The following GNPTG variants were observed in gnomAD, a reference collection of about 807,000 sequenced individuals.
GNPTG encodes N-acetylglucosamine-1-phosphate transferase subunit gamma.
A neutral mutation model predicts 43.8 loss-of-function variants in GNPTG; 46 were observed. The observed-to-expected ratio is 1.05, with a 90% CI of 0.83 to 1.34. The LOEUF (loss-of-function observed/expected upper bound fraction) is 1.34, where lower values mean the gene tolerates loss of function less well. Ranked by LOEUF, GNPTG falls within the 40% of genes most tolerant of loss-of-function variation. GNPTG has a pLI of 0.00. For synonymous variants in GNPTG, 250 were observed against 172.8 expected (o/e 1.45, Z -3.50); for missense variants, 549 against 411.3 (o/e 1.33, Z -2.90).
Position 1,362,510 on chromosome 16 carries a change from G to A in GNPTG, c.585G>A (p.Leu195=). 3 of 1,614,168 alleles carry A rather than the reference G, an allele frequency of 1.9e-6. No individual in the cohort carries two copies. The highest frequency in any genetic ancestry group is 2.5e-6 in the Non-Finnish European group (3 of 1,180,030). Residue 195 remains leucine (L), a synonymous_variant, in exon 8 of 11, where the codon CTG becomes CTA. Transcript: ENST00000204679. ...AGTGGGACCAGGTAGAGCAGGACCT[G>A]GCCGATGAGCTGATCACCCCCCAGG... ...QRQWDQVEQD[L]ADELITPQGH...
intron 3 of GNPTG, among the ~76,000 whole-genome samples, chr16:1,359,322 A>G (rs1596609900): frequency 6.6e-6 from 1 of 151,748 alleles, no homozygotes; most frequent in Admixed American, 6.6e-5. Flanking sequence ...GCTGGAGTGC[A>G]GTAGCACGAT....
In GNPTG at chr16:1,362,674, A is replaced by G; in HGVS notation, c.673A>G (p.Asn225Asp). The part of the protein sequence containing the change: ...DAGYLKTPEE[N>D]EPTQLEGGPD... The stretch of plus-strand genomic sequence containing the variant: ...TGGCTACTTAAAGACCCCAGAAGAA[A>G]ATGAACCCACCCAGCTGGAGGGAGG... The change falls in exon 9 of 11, where the codon AAT becomes GAT. Residue 225 changes from asparagine to aspartate, a missense_variant. Asn to Asp is a conservative substitution (Grantham distance 23). Coordinates refer to ENST00000204679, the MANE Select transcript of GNPTG (RefSeq NM_032520.5). 1 of 1,614,026 alleles carries G rather than the reference A, an allele frequency of 6.2e-7. No homozygotes were observed. Among genetic ancestry groups the G allele is most frequent in the Non-Finnish European group, 8.5e-7 (1 of 1,180,002 alleles).
At chr16:1,353,007 T>TCGCCCAGGCTGGAGTGCAGTGGCA (rs1305156810) in intron 3 of GNPTG, among the ~76,000 whole-genome samples, 3 of 149,514 alleles carry the variant, frequency 2.0e-5, no homozygotes, top group Non-Finnish European at 4.4e-5. Context: ...TCTCGCTCTG[T>TCGCCCAGGCTGGAGTGCAGTGGCA]CGCCCAGGCT....
In GNPTG at chr16:1,363,283, T is replaced by C. The variant is rs1288307804; in HGVS notation, c.*192T>C. The C allele has an allele frequency of 1.8e-5, 11 of 615,672 alleles. No homozygotes were observed. The highest frequency in any genetic ancestry group is 4.3e-4 in the Middle Eastern group (1 of 2,328). The allele number at this position is 615,672 out of a possible 1,614,324, so 38.1% of individuals were successfully genotyped here. On this transcript the variant is annotated 3_prime_UTR_variant, in exon 11 of 11. Coordinates refer to ENST00000204679, the MANE Select transcript of GNPTG (RefSeq NM_032520.5). ...TCTGTAAACCATTGCATAAATGCTA[T>C]AGTGTAAAAAAATTTAAACAAGTGT...
rs541942383 is a variant in GNPTG at position 1,362,513 on chromosome 16, C to T, written c.588C>T (p.Ala196=). 3.0e-5 allele frequency: 49 copies of T among 1,614,120 alleles called. No individual in the cohort carries two copies. The highest frequency in any genetic ancestry group is 1.2e-4 in the African/African-American group (9 of 75,044). Residue 196 remains alanine, a synonymous_variant, in exon 8 of 11, where the codon GCC becomes GCT. Transcript: ENST00000204679. Reference sequence around the variant, plus strand: ...GGGACCAGGTAGAGCAGGACCTGGCCGATGAGCTGATCACCCCCCAGGTAA... The same window carrying T: ...GGGACCAGGTAGAGCAGGACCTGGCTGATGAGCTGATCACCCCCCAGGTAA... ...RQWDQVEQDL[A]DELITPQGHE...
rs2035038117 is a variant in GNPTG, at chr16:1,363,998, T to G, written c.*907T>G. The G allele has an allele frequency of 6.6e-6, 1 of 152,192 alleles. No homozygotes were observed. The highest frequency in any genetic ancestry group is 1.5e-5 in the Non-Finnish European group (1 of 68,032). The allele number at this position is 152,192 out of a possible 1,614,324, so 9.4% of individuals were successfully genotyped here. A position where few individuals can be genotyped will look rare whatever the true frequency, so the allele number is the denominator to read the frequency against. On this transcript the variant is annotated 3_prime_UTR_variant, in exon 11 of 11. Coordinates refer to ENST00000204679, the MANE Select transcript of GNPTG (RefSeq NM_032520.5). Reference sequence around the variant, plus strand: ...TGGCAGACTAGAGCTCAGCTGCTCCTGACCACTGACAACCGGGAGATGTCT... The same window carrying G: ...TGGCAGACTAGAGCTCAGCTGCTCCGGACCACTGACAACCGGGAGATGTCT...
chr16:1,360,139 G>A (rs1327196860), intron 3 of GNPTG, among the ~76,000 whole-genome samples: 1 of 151,812 alleles, frequency 6.6e-6, no homozygotes, highest in Non-Finnish European at 1.5e-5. Context: ...GATGTCTCAT[G>A]TCAGCTTTAT....
intron 3 of GNPTG, among the ~76,000 whole-genome samples, chr16:1,356,380 T>TGGTATTTGGGGGTAGA: frequency 6.6e-6 from 1 of 150,892 alleles, no homozygotes; most frequent in Middle Eastern, 3.4e-3. Flanking sequence ...TTGGGGGTGG[T>TGGTATTTGGGGGTAGA]GGTATTTGGG....
intron 3 of GNPTG, among the ~76,000 whole-genome samples, chr16:1,359,954 C>G (rs1366768854): frequency 6.6e-6 from 1 of 151,962 alleles, no homozygotes; most frequent in South Asian, 2.1e-4. Flanking sequence ...TACAAAAATA[C>G]AAAAATTAGC....
intron 3 of GNPTG, among the ~76,000 whole-genome samples, chr16:1,359,868 A>G (rs1277074446): frequency 1.3e-5 from 2 of 151,684 alleles, no homozygotes; most frequent in African/African-American, 4.8e-5. Context: ...CCAGTACTTT[A>G]GGAGGCTGAG....
chr16:1,357,523 G>A lies in GNPTG; in HGVS notation c.179-4220G>A, dbSNP rs192368474. Among the ~76,000 whole-genome samples, 308 of 149,306 alleles carry A rather than the reference G, an allele frequency of 2.1e-3. 1 individual carries two copies. Among genetic ancestry groups the A allele is most frequent in the African/African-American group, 7.2e-3 (294 of 40,670 alleles). On this transcript the variant is annotated intron_variant, in intron 3 of 10. Transcript: ENST00000204679. ...ATTATTATTATTAGAGCCGAGTGTCGCTGTGTCGCCCAGGCTGGAGTGCTG... is the reference window on the plus strand; with the variant it reads ...ATTATTATTATTAGAGCCGAGTGTCACTGTGTCGCCCAGGCTGGAGTGCTG...
intron 5 of GNPTG, 30 bp downstream of exon 5, chr16:1,361,985 G>GC: frequency 1.2e-6 from 2 of 1,613,224 alleles, no homozygotes; most frequent in South Asian, 2.2e-5. Context: ...GGATCCCAAA[G>GC]CAGCAGCGCA....
chr16:1,355,819 G>A (rs933668875), intron 3 of GNPTG, among the ~76,000 whole-genome samples: 1 of 152,208 alleles, frequency 6.6e-6, no homozygotes, highest in Admixed American at 6.5e-5. Context: ...GAGAAGCCAT[G>A]GCAAGTGCGG....
Position 1,362,531 on chromosome 16 carries a change from C to T in GNPTG, c.606C>T (p.Pro202=). ...ACCTGGCCGATGAGCTGATCACCCCCCAGGTAAGCGTGCGCTCGGGGTGGC... is the reference window on the plus strand; with the variant it reads ...ACCTGGCCGATGAGCTGATCACCCCTCAGGTAAGCGTGCGCTCGGGGTGGC... ...EQDLADELIT[P]QGHEKLLRTL... is the part of the protein sequence containing the mutation. Residue 202 remains proline, a synonymous_variant, in exon 8 of 11, where the codon CCC becomes CCT. Transcript: ENST00000204679. 6.2e-7 allele frequency: 1 copy of T among 1,614,162 alleles called. No individual in the cohort carries two copies. The highest frequency in any genetic ancestry group is 8.5e-7 in the Non-Finnish European group (1 of 1,180,022).
In GNPTG at chr16:1,352,151, C is replaced by T. The variant is rs749262844; in HGVS notation, c.102C>T (p.Asn34=). 2 of 1,579,758 alleles carry T rather than the reference C, an allele frequency of 1.3e-6. No homozygotes were observed. The highest frequency in any genetic ancestry group is 1.8e-5 in the Admixed American group (1 of 54,688). Residue 34 remains asparagine (N), a synonymous_variant, in exon 2 of 11, where the codon AAC becomes AAT. Coordinates refer to ENST00000204679, the MANE Select transcript of GNPTG (RefSeq NM_032520.5). ...AGATGAAGGTGGTGGAGGAGCCCAA[C>T]GCGTTTGGGTGAGCAGCCTCGCGGG... is the stretch of plus-strand genomic sequence containing the variant. ...AAKMKVVEEP[N]AFGVNNPFLP... is the part of the protein sequence containing the mutation.
At chr16:1,359,500 C>G (rs1003023627) in intron 3 of GNPTG, among the ~76,000 whole-genome samples, 1 of 152,058 alleles carries the variant, frequency 6.6e-6, no homozygotes, top group African/African-American at 2.4e-5. Context: ...GATCTCCTGA[C>G]TTCGTGATCC....
chr16:1,356,441 G>A (rs556358483), intron 3 of GNPTG, among the ~76,000 whole-genome samples: 2 of 152,312 alleles, frequency 1.3e-5, no homozygotes, highest in South Asian at 2.1e-4. Context: ...GAGGCGTGGA[G>A]GGGCCAGCCC....
intron 3 of GNPTG, among the ~76,000 whole-genome samples, chr16:1,355,999 G>T (rs943812600): frequency 1.3e-5 from 2 of 152,040 alleles, no homozygotes; most frequent in Non-Finnish European, 2.9e-5. Flanking sequence ...TGAAGTTCTT[G>T]GTGGCGTGTG....
In GNPTG at chr16:1,355,644, C is replaced by T. The variant is rs562893049; in HGVS notation, c.178+3338C>T. On this transcript the variant is annotated intron_variant, in intron 3 of 10. Transcript: ENST00000204679. ...ACGGTCAGTGTGGTGGTCCTGCCAGCGCCCAGCAGAGTCCAGCATAGCCCA... is the reference window on the plus strand; with the variant it reads ...ACGGTCAGTGTGGTGGTCCTGCCAGTGCCCAGCAGAGTCCAGCATAGCCCA... 2.6e-5 allele frequency among the ~76,000 whole-genome samples: 4 copies of T among 152,120 alleles called. No individual in the cohort carries two copies. In the South Asian group the frequency reaches 6.2e-4, roughly 24 times the overall value.
Sources: gnomAD v4.1 joint callset for allele counts (sites outside exome capture counted in the v4.1 genomes callset) on GRCh38, gnomAD v4.1.1 for gene constraint, MANE v1.5 for transcripts, NCBI Gene and HGNC (gene_info 2026-07-23, HGNC 2026-07-21) for gene names.